The following CYP2D6 variants were observed in gnomAD, a reference collection of about 807,000 sequenced individuals.
CYP2D6 encodes the protein cytochrome P450 2D6.
In CYP2D6, 51 loss-of-function variants were observed where a neutral mutation model predicts 43.5. That is an observed-to-expected ratio of 1.17 (90% CI 0.94 to 1.48). The LOEUF (loss-of-function observed/expected upper bound fraction) is 1.48, where lower values mean the gene tolerates loss of function less well. Ranked by LOEUF, CYP2D6 falls within the 40% of genes most tolerant of loss-of-function variation. The pLI is 0.00. For synonymous variants in CYP2D6, 346 were observed against 297.1 expected (o/e 1.16, Z -1.69); for missense variants, 698 against 688.0 (o/e 1.01, Z -0.16).
Position 42,127,458 on chromosome 22 carries a change from G to A in CYP2D6, c.1162C>T (p.Arg388Cys), listed in dbSNP as rs146271511. The A allele has an allele frequency of 5.5e-5, 89 of 1,609,046 alleles. No individual in the cohort carries two copies. The highest frequency in any genetic ancestry group is 1.7e-4 in the Middle Eastern group (1 of 6,046). The change falls in exon 7 of 9, where the codon CGC becomes TGC. Residue 388 changes from arginine (R) to cysteine (C), a missense_variant. By Grantham distance (180) the Arg-to-Cys change is radical. Coordinates refer to ENST00000645361, the MANE Select transcript of CYP2D6 (RefSeq NM_000106.6). ...TSRDIEVQGF[R>C]IPKGTTLITN... Reference sequence around the variant, plus strand: ...GGCGCCAGGCCTACCTTAGGGATGCGGAAGCCCTGTACTTCGATGTCACGG... The same window carrying A: ...GGCGCCAGGCCTACCTTAGGGATGCAGAAGCCCTGTACTTCGATGTCACGG...
At position 42,127,515 on chromosome 22, in the gene CYP2D6, T is replaced by A. The variant is rs267608293; in HGVS notation, c.1105A>T (p.Ile369Phe). ...VIHEVQRFGD[I>F]VPLGVTHMTS... The stretch of plus-strand genomic sequence containing the variant: ...ATATGGGTCACACCCAGGGGGACGA[T>A]GTCCCCAAAGCGCTGCACCTCATGA... Residue 369 changes from isoleucine (I) to phenylalanine (F), a missense_variant, in exon 7 of 9, where the codon ATC becomes TTC. Physicochemically the swap from Ile to Phe is conservative, Grantham distance 21. Around this residue, in one of 5 missense-constraint regions of CYP2D6, gnomAD observed 588 missense variants for 521.1 expected, o/e 1.13. Coordinates refer to ENST00000645361, the MANE Select transcript of CYP2D6 (RefSeq NM_000106.6). 2 of 1,611,656 alleles carry A rather than the reference T, an allele frequency of 1.2e-6. No individual in the cohort carries two copies. Among genetic ancestry groups the A allele is most frequent in the Non-Finnish European group, 1.7e-6 (2 of 1,178,294 alleles).
Position 42,129,436 on chromosome 22 carries a change from A to G in CYP2D6, c.353-251T>C, listed in dbSNP as rs184086520. 1,827 of 753,616 alleles carry G rather than the reference A, an allele frequency of 2.4e-3. 49 individuals carry two copies. Among genetic ancestry groups the G allele is most frequent in the Middle Eastern group, 0.023 (104 of 4,498 alleles). The allele number at this position is 753,616 out of a possible 1,614,324, so 46.7% of individuals were successfully genotyped here. On this transcript the variant is annotated intron_variant, in intron 2 of 8. Coordinates refer to ENST00000645361, the MANE Select transcript of CYP2D6 (RefSeq NM_000106.6). Reference sequence around the variant, plus strand: ...CGCGGGCCCCGCGCCACCCACACTGAGCTTACAGCACAGGTGCGGTCCCCG... The same window carrying G: ...CGCGGGCCCCGCGCCACCCACACTGGGCTTACAGCACAGGTGCGGTCCCCG...
chr22:42,129,397 C>T lies in CYP2D6; in HGVS notation c.353-212G>A, dbSNP rs1282507444. 2.3e-5 allele frequency: 19 copies of T among 826,178 alleles called. No individual in the cohort carries two copies. In the East Asian group the frequency reaches 5.0e-4, roughly 22 times the overall value. 51.2% of individuals were successfully genotyped at this position (826,178 alleles called of 1,614,324 possible). A position where few individuals can be genotyped will look rare whatever the true frequency, so the allele number is the denominator to read the frequency against. On this transcript the variant is annotated intron_variant, in intron 2 of 8. Transcript: ENST00000645361. The stretch of plus-strand genomic sequence containing the variant: ...TCTGCCCACCCTGACCGCCTTTGCA[C>T]TCAGGGAAGACCCCGCGGGCCCCGC...
rs1231035738 is a variant in CYP2D6, at chr22:42,128,220, T to G, written c.797A>C (p.Gln266Pro). Reference sequence around the variant, plus strand: ...GGCCTCAGTCAGGTCTCGGGGGGGCTGGGCTGGGTCCCAGGTCATCCTGTG... The same window carrying G: ...GGCCTCAGTCAGGTCTCGGGGGGGCGGGGCTGGGTCCCAGGTCATCCTGTG... ...TEHRMTWDPA[Q>P]PPRDLTEAFL... is the part of the protein sequence containing the mutation. The change falls in exon 5 of 9, where the codon CAG becomes CCG. Residue 266 changes from glutamine (Q) to proline (P), a missense_variant. Transcript: ENST00000645361. 2.6e-5 allele frequency: 42 copies of G among 1,609,732 alleles called. 3 individuals carry two copies. The highest frequency in any genetic ancestry group is 3.4e-5 in the Non-Finnish European group (40 of 1,177,680).
At position 42,128,223 on chromosome 22, in the gene CYP2D6, G is replaced by T; in HGVS notation, c.794C>A (p.Ala265Asp). The change falls in exon 5 of 9, where the codon GCC becomes GAC. Residue 265 changes from alanine (A) to aspartate (D), a missense_variant. By Grantham distance (126) the Ala-to-Asp change is moderately radical. This residue lies in a region of CYP2D6 where 588 missense variants were observed against 521.1 expected (regional missense o/e 1.13). Coordinates refer to ENST00000645361, the MANE Select transcript of CYP2D6 (RefSeq NM_000106.6). The stretch of plus-strand genomic sequence containing the variant: ...CTCAGTCAGGTCTCGGGGGGGCTGG[G>T]CTGGGTCCCAGGTCATCCTGTGCTC... ...LTEHRMTWDPAQPPRDLTEAF... is the reference protein window; with the variant it reads ...LTEHRMTWDPDQPPRDLTEAF... 1 of 1,610,080 alleles carries T rather than the reference G, an allele frequency of 6.2e-7. No homozygotes were observed. The highest frequency in any genetic ancestry group is 1.1e-5 in the South Asian group (1 of 90,762).
At chr22:42,129,372 TCTGCCCACC>T in intron 2 of CYP2D6, 187 bp from the exon 3 acceptor site, 1 of 905,086 alleles carries the variant, frequency 1.1e-6, no homozygotes, top group East Asian at 2.6e-5. Flanking sequence ...CCACCTCGTC[TCTGCCCACC>T]CTGACCGCCT....
chr22:42,128,032 A>G lies in CYP2D6; in HGVS notation c.844-49T>C, dbSNP rs572793216. 422 of 1,609,378 alleles carry G rather than the reference A, an allele frequency of 2.6e-4. 2 individuals are homozygous for G. The East Asian group carries it at 9.3e-3, about 35-fold the overall frequency. On this transcript the variant is annotated intron_variant, in intron 5 of 8. Coordinates refer to ENST00000645361, the MANE Select transcript of CYP2D6 (RefSeq NM_000106.6). ...CGGGACAGAACGGGGTAGCCCCCAA[A>G]TGACCTCCAATTCTGCACCTGTCAG... is the stretch of plus-strand genomic sequence containing the variant.
Position 42,127,926 on chromosome 22 carries a change from C to G in CYP2D6, c.901G>C (p.Asp301His), listed in dbSNP as rs1058171. 1 of 1,611,222 alleles carries G rather than the reference C, an allele frequency of 6.2e-7. No homozygotes were observed. The change falls in exon 6 of 9, where the codon GAC becomes CAC. Residue 301 changes from aspartate (D) to histidine (H), a missense_variant. Asp to His is a moderately conservative substitution (Grantham distance 81). Transcript: ENST00000645361. ...GTCACCATCCCGGCAGAGAACAGGT[C>G]AGCCACCACTATGCGCAGGTTCTCA... ...NDENLRIVVADLFSAGMVTTS... is the reference protein window; with the variant it reads ...NDENLRIVVAHLFSAGMVTTS...
Position 42,128,711 on chromosome 22 carries a change from C to T in CYP2D6, c.666+73G>A, listed in dbSNP as rs112568578. 6.7e-5 allele frequency: 101 copies of T among 1,517,696 alleles called. 3 individuals carry two copies. Among genetic ancestry groups the T allele is most frequent in the Admixed American group, 5.7e-5 (3 of 52,514 alleles). 94.0% of individuals were successfully genotyped at this position (1,517,696 alleles called of 1,614,324 possible). ...CCCATCTATGCAAATCCTGCTCTTC[C>T]GAGGCCCCAGTCCAGCCCCGGCACC... On this transcript the variant is annotated intron_variant, in intron 4 of 8. Transcript: ENST00000645361.
In CYP2D6 at chr22:42,130,368, G is replaced by A. The variant is rs267608274; in HGVS notation, c.180+244C>T. On this transcript the variant is annotated intron_variant, in intron 1 of 8. Coordinates refer to ENST00000645361, the MANE Select transcript of CYP2D6 (RefSeq NM_000106.6). ...TACTCCATAACATATGTTGCCCAAT[G>A]GGCTTGCATGCCCACTGCCAAGTCC... 7 of 597,552 alleles carry A rather than the reference G, an allele frequency of 1.2e-5. No individual in the cohort carries two copies. In the South Asian group the frequency reaches 1.2e-4, roughly 10 times the overall value. The allele number at this position is 597,552 out of a possible 1,614,324, so 37.0% of individuals were successfully genotyped here.
rs779123374 is a variant in CYP2D6 at position 42,129,151 on chromosome 22, G to C, written c.387C>G (p.Arg129=). The C allele has an allele frequency of 6.2e-7, 1 of 1,608,406 alleles. No individual in the cohort carries two copies. The highest frequency in any genetic ancestry group is 8.5e-7 in the Non-Finnish European group (1 of 1,178,048). The change falls in exon 3 of 9, where the codon CGC becomes CGG. Residue 129 remains arginine (R), a synonymous_variant. Transcript: ENST00000645361. ...VFLARYGPAW[R]EQRRFSVSTL... is the part of the protein sequence containing the mutation. ...TGGACACGGAGAAGCGCCTCTGCTC[G>C]CGCCACGCGGGCCCATAGCGCGCCA...
chr22:42,128,187 G>C lies in CYP2D6; in HGVS notation c.830C>G (p.Ala277Gly). 6.2e-7 allele frequency: 1 copy of C among 1,606,960 alleles called. No homozygotes were observed. The highest frequency in any genetic ancestry group is 8.5e-7 in the Non-Finnish European group (1 of 1,176,414). The change falls in exon 5 of 9, where the codon GCA (alanine) becomes GGA (glycine). Residue 277 changes from alanine to glycine, a missense_variant. Around this residue, in one of 5 missense-constraint regions of CYP2D6, gnomAD observed 588 missense variants for 521.1 expected, o/e 1.13. Coordinates refer to ENST00000645361, the MANE Select transcript of CYP2D6 (RefSeq NM_000106.6). ...AGCCACTCTCACCTTCTCCATCTCT[G>C]CCAGGAAGGCCTCAGTCAGGTCTCG... ...PPRDLTEAFL[A>G]EMEKAKGNPE...
rs369147674 is a variant in CYP2D6 at position 42,126,876 on chromosome 22, C to T, written c.1290G>A (p.Pro430=). 121 of 1,563,514 alleles carry T rather than the reference C, an allele frequency of 7.7e-5. 2 individuals are homozygous for T. The highest frequency in any genetic ancestry group is 5.5e-4 in the African/African-American group (40 of 72,846). The change falls in exon 8 of 9, where the codon CCG becomes CCA. Residue 430 remains proline, a synonymous_variant. Transcript: ENST00000645361. ...FLDAQGHFVK[P]EAFLPFSAGR... is the part of the protein sequence containing the mutation. ...CTGCTGAGAAAGGCAGGAAGGCCTC[C>T]GGCTTCACAAAGTGGCCCTGGGCAT...
In CYP2D6 at chr22:42,126,679, GTGC is replaced by G. The variant is rs1044015310; in HGVS notation, c.1386_1388del (p.Gln462del). On this transcript the variant is annotated inframe_deletion, in exon 9 of 9. Transcript: ENST00000645361. ...GTCCAGTGGGCACCGAGAAGCTGAA[GTGC>G]TGCAGCAGGGAGGTGAAGAAGAGGA... The G allele has an allele frequency of 1.2e-6, 2 of 1,604,602 alleles. No individual in the cohort carries two copies. The highest frequency in any genetic ancestry group is 2.2e-5 in the South Asian group (2 of 89,516).
At chr22:42,127,325 G>C in intron 7 of CYP2D6, 122 bp downstream of exon 7, 1 of 1,224,698 alleles carries the variant, frequency 8.2e-7, no homozygotes, top group Non-Finnish European at 1.2e-6. Flanking sequence ...GGGACAGTCA[G>C]TGTGGTGGCA....
chr22:42,127,892 G>A lies in CYP2D6; in HGVS notation c.935C>T (p.Thr312Ile), dbSNP rs753667915. 11 of 1,611,136 alleles carry A rather than the reference G, an allele frequency of 6.8e-6. 1 individual carries two copies. The highest frequency in any genetic ancestry group is 1.3e-5 in the African/African-American group (1 of 74,460). The change falls in exon 6 of 9, where the codon ACC becomes ATC. Residue 312 changes from threonine to isoleucine, a missense_variant. Around this residue, in one of 5 missense-constraint regions of CYP2D6, gnomAD observed 588 missense variants for 521.1 expected, o/e 1.13. Transcript: ENST00000645361. Reference sequence around the variant, plus strand: ...GAGCAGGAGGCCCCAGGCCAGCGTGGTCGAGGTGGTCACCATCCCGGCAGA... The same window carrying A: ...GAGCAGGAGGCCCCAGGCCAGCGTGATCGAGGTGGTCACCATCCCGGCAGA... ...LFSAGMVTTS[T>I]TLAWGLLLMI...
At position 42,128,858 on chromosome 22, in the gene CYP2D6, C is replaced by G. The variant is rs763284150; in HGVS notation, c.592G>C (p.Asp198His). 1.2e-6 allele frequency: 2 copies of G among 1,604,818 alleles called. No homozygotes were observed. The highest frequency in any genetic ancestry group is 1.7e-6 in the Non-Finnish European group (2 of 1,175,234). The change falls in exon 4 of 9, where the codon GAC (aspartate) becomes CAC (histidine). Residue 198 changes from aspartate (D) to histidine (H), a missense_variant. Transcript: ENST00000645361. ...AGCAGCCTGAGGAAGCGAGGGTCGT[C>G]GTACTCGAAGCGGCGCCCGCAGGTG... is the stretch of plus-strand genomic sequence containing the variant. The part of the protein sequence containing the change: ...SLTCGRRFEY[D>H]DPRFLRLLDL...
Position 42,127,576 on chromosome 22 carries a change from ACCCATCTCTGGTCG to A in CYP2D6, c.1030_1043del (p.Arg344Ter). On this transcript the variant is annotated frameshift_variant, in exon 7 of 9. Coordinates refer to ENST00000645361, the MANE Select transcript of CYP2D6 (RefSeq NM_000106.6). LOFTEE classifies it high-confidence loss of function. The stretch of plus-strand genomic sequence containing the variant: ...TGGTGTAGGGCATGTGAGCCTGGTC[ACCCATCTCTGGTCG>A]CCGCACCTGCCCTATCACGTCGTCG... 6.2e-7 allele frequency: 1 copy of A among 1,611,904 alleles called. No homozygotes were observed. The highest frequency in any genetic ancestry group is 8.5e-7 in the Non-Finnish European group (1 of 1,178,678).
At chr22:42,129,714 G>A (rs1235509136) in intron 2 of CYP2D6, 24 bp downstream of exon 2, 12 of 1,608,962 alleles carry the variant, frequency 7.5e-6, no homozygotes, top group Admixed American at 3.3e-5. Context: ...ACGGAAATCT[G>A]TCTCTGTCCC....
Sources: gnomAD v4.1 joint callset for allele counts on GRCh38, gnomAD v4.1.1 for gene constraint, gnomAD v4.1.1 regional missense constraint, MANE v1.5 for transcripts, NCBI Gene and HGNC (gene_info 2026-07-23, HGNC 2026-07-21) for gene names.